The following PTPRM variants were observed in gnomAD, a reference collection of about 807,000 sequenced individuals.
The protein encoded by PTPRM is protein tyrosine phosphatase receptor type M.
Under a neutral mutation model 186.7 loss-of-function variants are expected in PTPRM, and 47 were observed. That is an observed-to-expected ratio of 0.25 (90% CI 0.20 to 0.32). The LOEUF is 0.32. Among genes scored for constraint, PTPRM ranks in the 10% least tolerant of loss-of-function variants. The pLI is 1.00. For synonymous variants in PTPRM, 668 were observed against 674.9 expected, an observed-to-expected ratio of 0.99 and a Z score of 0.16; for missense variants, 1,494 against 1,865.0, an observed-to-expected ratio of 0.80 and a Z score of 3.66.
intron 2 of PTPRM, among the ~76,000 whole-genome samples, chr18:7,774,965 A>G (rs894696397): frequency 2.0e-5 from 3 of 152,146 alleles, no homozygotes; most frequent in South Asian, 2.1e-4. Flanking sequence ...AGGTCTGCAG[A>G]TTTGGTGATA....
intron 11 of PTPRM, among the ~76,000 whole-genome samples, chr18:8,098,945 A>AAG (rs2091148498): frequency 6.6e-6 from 1 of 152,072 alleles, no homozygotes; most frequent in Non-Finnish European, 1.5e-5. Flanking sequence ...TCTAATGGGG[A>AAG]AGCCTCTGGC....
chr18:7,863,286 G>T (rs1454327532), intron 2 of PTPRM, among the ~76,000 whole-genome samples: 1 of 152,038 alleles, frequency 6.6e-6, no homozygotes, highest in African/African-American at 2.4e-5. Flanking sequence ...ACATGCCATG[G>T]TGGTTTGCTG....
intron 1 of PTPRM, among the ~76,000 whole-genome samples, chr18:7,645,603 A>G (rs1296542786): frequency 2.0e-5 from 3 of 152,196 alleles, no homozygotes; most frequent in Non-Finnish European, 4.4e-5. Flanking sequence ...CTCAGAAGCA[A>G]TATATGTGTG....
At chr18:7,921,508 G>A (rs2050864086) in intron 4 of PTPRM, among the ~76,000 whole-genome samples, 1 of 151,630 alleles carries the variant, frequency 6.6e-6, no homozygotes, top group Admixed American at 6.6e-5. Context: ...AGCCTCCTGA[G>A]TAGCCGGGAC....
chr18:8,379,352 G>A lies in PTPRM; in HGVS notation c.3786+12G>A, dbSNP rs748119390. The stretch of plus-strand genomic sequence containing the variant: ...CTGCCCTCATGGACGTGAGTGCCCC[G>A]CTTCCCGCACGGGTCCGAGGCTGGG... On this transcript the variant is annotated intron_variant, in intron 28 of 32. Transcript: ENST00000580170. 2.5e-5 allele frequency: 40 copies of A among 1,597,416 alleles called. No homozygotes were observed. The highest frequency in any genetic ancestry group is 4.5e-5 in the East Asian group (2 of 44,418).
At chr18:7,826,506 T>C (rs1203992326) in intron 2 of PTPRM, among the ~76,000 whole-genome samples, 1 of 152,172 alleles carries the variant, frequency 6.6e-6, no homozygotes, top group Non-Finnish European at 1.5e-5. Flanking sequence ...CATAGAAAAG[T>C]GGTTTATTTC....
At chr18:8,111,612 C>CAAA (rs113602878) in intron 11 of PTPRM, among the ~76,000 whole-genome samples, 300 of 146,978 alleles carry the variant, frequency 2.0e-3, no homozygotes, top group Middle Eastern at 7.1e-3. Flanking sequence ...GACTCCATCT[C>CAAA]AAAAAAAAAA....
Position 7,858,337 on chromosome 18 carries a change from A to C in PTPRM, c.197-29769A>C, listed in dbSNP as rs1029863688. ...TTTGGGAGGCCGAGGTGGGAGGATC[A>C]CTTGAGGCTGGGAGTTCAAGACCAG... On this transcript the variant is annotated intron_variant, in intron 2 of 32. Coordinates refer to ENST00000580170, the MANE Select transcript of PTPRM (RefSeq NM_001105244.2). Among the ~76,000 whole-genome samples the C allele has an allele frequency of 1.1e-4, 16 of 152,204 alleles. No homozygotes were observed. The East Asian group carries it at 1.9e-3, about 18-fold the overall frequency.
intron 8 of PTPRM, among the ~76,000 whole-genome samples, chr18:8,073,761 G>A (rs1441687857): frequency 6.6e-6 from 1 of 152,064 alleles, no homozygotes; most frequent in African/African-American, 2.4e-5. Flanking sequence ...AAATAAATTA[G>A]CTGGCATGCT....
chr18:8,385,592 T>C (rs559958784), intron 30 of PTPRM, among the ~76,000 whole-genome samples: 1 of 152,310 alleles, frequency 6.6e-6, no homozygotes, highest in East Asian at 1.9e-4. Flanking sequence ...GGAGGCGGCA[T>C]GGCCCAGGCT....
intron 20 of PTPRM, among the ~76,000 whole-genome samples, chr18:8,306,562 T>C (rs1283254689): frequency 2.0e-5 from 3 of 152,194 alleles, no homozygotes; most frequent in Non-Finnish European, 4.4e-5. Context: ...AAATACCAAG[T>C]CCTCATAGTC....
At chr18:7,733,236 T>C (rs4798591) in intron 1 of PTPRM, among the ~76,000 whole-genome samples, 56,874 of 151,864 alleles carry the variant, frequency 0.37, 12,421 homozygotes, top group East Asian at 0.83. Flanking sequence ...CCTTTTCCCT[T>C]GCCCCCCACC....
chr18:8,181,431 T>C (rs2093572882), intron 14 of PTPRM, among the ~76,000 whole-genome samples: 1 of 152,182 alleles, frequency 6.6e-6, no homozygotes, highest in Non-Finnish European at 1.5e-5. Context: ...CGGCGACCTC[T>C]GCGGATCACG....
At chr18:7,985,378 TAAATATATACATATACTGGTATATAC>T (rs1302241147) in intron 7 of PTPRM, among the ~76,000 whole-genome samples, 1 of 138,006 alleles carries the variant, frequency 7.2e-6, no homozygotes, top group African/African-American at 2.7e-5. Flanking sequence ...TATACGTATA[TAAATATATACATATACTGGTATATAC>T]GTATATAAAT....
chr18:7,820,740 C>T (rs920314165), intron 2 of PTPRM, among the ~76,000 whole-genome samples: 4 of 152,136 alleles, frequency 2.6e-5, no homozygotes, highest in Non-Finnish European at 4.4e-5. Context: ...GTGACTTCCC[C>T]GGAAAGCACC....
intron 7 of PTPRM, among the ~76,000 whole-genome samples, chr18:8,031,997 C>T (rs2086006551): frequency 6.6e-6 from 1 of 152,076 alleles, no homozygotes; most frequent in Non-Finnish European, 1.5e-5. Flanking sequence ...AACTATTTGT[C>T]TATTCAATAA....
intron 32 of PTPRM, among the ~76,000 whole-genome samples, chr18:8,399,037 A>C (rs2095858664): frequency 6.6e-6 from 1 of 152,220 alleles, no homozygotes; most frequent in South Asian, 2.1e-4. Context: ...ATTACAACAC[A>C]TTTAATTTGA....
chr18:7,652,033 A>G (rs959619401), intron 1 of PTPRM, among the ~76,000 whole-genome samples: 7 of 152,246 alleles, frequency 4.6e-5, no homozygotes, highest in African/African-American at 1.4e-4. Flanking sequence ...CAGAATCTAC[A>G]ATGAACTCAA....
In PTPRM at chr18:8,299,213, C is replaced by T. The variant is rs534233512; in HGVS notation, c.2842+2758C>T. On this transcript the variant is annotated intron_variant, in intron 20 of 32. Coordinates refer to ENST00000580170, the MANE Select transcript of PTPRM (RefSeq NM_001105244.2). ...GAACACTGAATTCTGTTCCTGTACC[C>T]GTTGCTCGTCACAGCTGGACAGAGA... Among the ~76,000 whole-genome samples, 18 of 152,240 alleles carry T rather than the reference C, an allele frequency of 1.2e-4. 1 individual carries two copies. In the Middle Eastern group the frequency reaches 0.01, roughly 86 times the overall value.
Sources: gnomAD v4.1 joint callset for allele counts (sites outside exome capture counted in the v4.1 genomes callset) on GRCh38, gnomAD v4.1.1 for gene constraint, MANE v1.5 for transcripts, NCBI Gene and HGNC (gene_info 2026-07-23, HGNC 2026-07-21) for gene names.